SPIRE2: variants seen among roughly 807,000 people sequenced by gnomAD.
The protein encoded by SPIRE2 is protein spire homolog 2.
Under a neutral mutation model 80.7 loss-of-function variants are expected in SPIRE2, and 76 were observed. The ratio of observed to expected loss-of-function variants is 0.94; its 90% confidence interval spans 0.78 to 1.14. The LOEUF (loss-of-function observed/expected upper bound fraction) is 1.14. Among genes scored for constraint, SPIRE2 ranks in the 50% most tolerant of loss-of-function variants. The probability of loss-of-function intolerance (pLI) is 0.00; values close to 1 mark genes in which losing one functional copy is unlikely to be tolerated. For synonymous variants in SPIRE2, 535 were observed against 432.6 expected (o/e 1.24, Z -2.94); for missense variants, 1,196 against 1,015.3 (o/e 1.18, Z -2.42).
At chr16:89,837,598 G>C (rs1341232796) in intron 1 of SPIRE2, among the ~76,000 whole-genome samples, 1 of 152,198 alleles carries the variant, frequency 6.6e-6, no homozygotes, top group African/African-American at 2.4e-5. Context: ...CAGGGGCTGG[G>C]TCGGGATCCC....
At chr16:89,854,938 G>A (rs976811635) in intron 5 of SPIRE2, among the ~76,000 whole-genome samples, 3 of 97,386 alleles carry the variant, frequency 3.1e-5, no homozygotes, top group Non-Finnish European at 6.3e-5. Context: ...AAGGCTGTAG[G>A]ATTTTTTTTT....
chr16:89,843,685 GTTTTTGTTTTTTGTTTTT>G (rs2041527015), intron 1 of SPIRE2, among the ~76,000 whole-genome samples: 2 of 21,308 alleles, frequency 9.4e-5, no homozygotes, highest in Non-Finnish European at 1.5e-4. Context: ...TTTTTTGTTT[GTTTTTGTTTTTTGTTTTT>G]TTTTTTTTTT....
chr16:89,848,781 G>T (rs909479352), intron 2 of SPIRE2, among the ~76,000 whole-genome samples: 7 of 150,008 alleles, frequency 4.7e-5, no homozygotes, highest in Admixed American at 1.3e-4. Flanking sequence ...CAGGTTCCAG[G>T]ACCTTCTGTG....
At chr16:89,855,072 G>A (rs1437244187) in intron 5 of SPIRE2, among the ~76,000 whole-genome samples, 1 of 152,156 alleles carries the variant, frequency 6.6e-6, no homozygotes, top group Non-Finnish European at 1.5e-5. Flanking sequence ...CCAAGTAGCT[G>A]GGACTACAGG....
At chr16:89,856,688 G>A (rs1297651923) in intron 7 of SPIRE2, among the ~76,000 whole-genome samples, 1 of 149,714 alleles carries the variant, frequency 6.7e-6, no homozygotes, top group Non-Finnish European at 1.5e-5. Flanking sequence ...ACAAACTCCT[G>A]GGCTCAAGTG....
At chr16:89,850,264 C>A in intron 2 of SPIRE2, 40 bp from the exon 3 acceptor site, 1 of 1,572,678 alleles carries the variant, frequency 6.4e-7, no homozygotes, top group South Asian at 1.1e-5. Context: ...CGCCCCACCC[C>A]CCTGCAGTAC....
At chr16:89,864,294 G>C (rs969900647) in intron 12 of SPIRE2, among the ~76,000 whole-genome samples, 8 of 152,182 alleles carry the variant, frequency 5.3e-5, no homozygotes, top group South Asian at 2.1e-4. Context: ...ACAGCAGCTC[G>C]AGTCCGCCGT....
Position 89,870,219 on chromosome 16 carries a change from C to G in SPIRE2, c.2092C>G (p.Arg698Gly). Residue 698 changes from arginine to glycine, a missense_variant, in exon 15 of 15, where the codon CGC becomes GGC. Arg to Gly is a moderately radical substitution (Grantham distance 125, BLOSUM62 -2). Coordinates refer to ENST00000378247, the MANE Select transcript of SPIRE2 (RefSeq NM_032451.2). ...DVLNTTPRRS[R>G]QTQSLYIPNT... ...CCTCAACACTACGCCACGACGCAGTCGCCAGACCCAATCCCTCTACATCCC... is the reference window on the plus strand; with the variant it reads ...CCTCAACACTACGCCACGACGCAGTGGCCAGACCCAATCCCTCTACATCCC... The G allele has an allele frequency of 6.2e-7, 1 of 1,607,300 alleles. No individual in the cohort carries two copies. Among genetic ancestry groups the G allele is most frequent in the Non-Finnish European group, 8.5e-7 (1 of 1,177,156 alleles).
At chr16:89,865,156 G>A (rs565381026) in intron 12 of SPIRE2, among the ~76,000 whole-genome samples, 4 of 152,118 alleles carry the variant, frequency 2.6e-5, no homozygotes, top group African/African-American at 9.6e-5. Context: ...ACAGGCACCT[G>A]CTACCACTCC....
chr16:89,850,648 G>A lies in SPIRE2; in HGVS notation c.633G>A (p.Arg211=), dbSNP rs1447086342. 3.3e-6 allele frequency: 5 copies of A among 1,493,912 alleles called. No homozygotes were observed. The highest frequency in any genetic ancestry group is 3.5e-6 in the Non-Finnish European group (4 of 1,128,592). The allele number at this position is 1,493,912 out of a possible 1,614,324, so 92.5% of individuals were successfully genotyped here. A position where few individuals can be genotyped will look rare whatever the true frequency, so the allele number is the denominator to read the frequency against. The change falls in exon 3 of 15, where the codon CGG becomes CGA. Residue 211 remains arginine (R), a synonymous_variant. Transcript: ENST00000378247. ...TGCGGGCCTTCCTGGCCAGGGTCCG[G>A]GAGGCCAAGGAGGTGAGCGGTGGGT... is the stretch of plus-strand genomic sequence containing the variant. ...LELRAFLARV[R]EAKEMLQKLR...
intron 2 of SPIRE2, 169 bp downstream of exon 2, chr16:89,845,534 A>G: frequency 1.3e-6 from 1 of 749,198 alleles, no homozygotes; most frequent in Non-Finnish European, 2.4e-6. Flanking sequence ...CGCTGTTCAC[A>G]GAGAGCAGAC....
At position 89,845,243 on chromosome 16, in the gene SPIRE2, G is replaced by A. The variant is rs1392131992; in HGVS notation, c.245-79G>A. 9 of 1,274,068 alleles carry A rather than the reference G, an allele frequency of 7.1e-6. No individual in the cohort carries two copies. The African/African-American group carries it at 1.0e-4, about 15-fold the overall frequency. The allele number at this position is 1,274,068 out of a possible 1,614,324, so 78.9% of individuals were successfully genotyped here. A position where few individuals can be genotyped will look rare whatever the true frequency, so the allele number is the denominator to read the frequency against. On this transcript the variant is annotated intron_variant, in intron 1 of 14. Coordinates refer to ENST00000378247, the MANE Select transcript of SPIRE2 (RefSeq NM_032451.2). Reference sequence around the variant, plus strand: ...GTGGGGCTGTGGTGTGTGTCCCCGAGGGGGAGGTGGGGGGACAGCAGTGTT... The same window carrying A: ...GTGGGGCTGTGGTGTGTGTCCCCGAAGGGGAGGTGGGGGGACAGCAGTGTT...
chr16:89,858,335 C>T lies in SPIRE2; in HGVS notation c.1103-3C>T. On this transcript the variant is annotated splice_polypyrimidine_tract_variant and splice_region_variant and intron_variant, in intron 7 of 14. Transcript: ENST00000378247. ...CGTCCTGCCTCGGCTCCCGTCTCCC[C>T]AGGGTTTGGCTCTCTGCCCTGCATC... 1 of 1,589,456 alleles carries T rather than the reference C, an allele frequency of 6.3e-7. No homozygotes were observed. The highest frequency in any genetic ancestry group is 8.6e-7 in the Non-Finnish European group (1 of 1,168,098).
intron 1 of SPIRE2, among the ~76,000 whole-genome samples, chr16:89,829,067 G>C (rs2041354690): frequency 6.6e-6 from 1 of 152,236 alleles, no homozygotes; most frequent in African/African-American, 2.4e-5. Context: ...GCGCGGAGCG[G>C]GCTGCTCCCC....
At chr16:89,831,386 T>C (rs894845241) in intron 1 of SPIRE2, among the ~76,000 whole-genome samples, 9 of 149,384 alleles carry the variant, frequency 6.0e-5, no homozygotes, top group Non-Finnish European at 1.2e-4. Context: ...TGCTAAACTT[T>C]TTTTCTTTCT....
intron 10 of SPIRE2, among the ~76,000 whole-genome samples, chr16:89,861,282 C>T (rs1470665507): frequency 6.6e-6 from 1 of 152,212 alleles, no homozygotes; most frequent in Non-Finnish European, 1.5e-5. Context: ...ATTTAATCAA[C>T]TGAGGTAAGG....
chr16:89,859,142 G>A, intron 8 of SPIRE2, 23 bp from the exon 9 acceptor site: 1 of 1,526,810 alleles, frequency 6.5e-7, no homozygotes, highest in Non-Finnish European at 8.9e-7. Flanking sequence ...GTCAGGGCAG[G>A]GCCGCGTCTG....
At chr16:89,848,021 G>A (rs1001438085) in intron 2 of SPIRE2, among the ~76,000 whole-genome samples, 1 of 152,192 alleles carries the variant, frequency 6.6e-6, no homozygotes, top group Non-Finnish European at 1.5e-5. Flanking sequence ...TCGGAGCCAC[G>A]CGACCAGGGA....
chr16:89,845,240 C>T (rs925803997), intron 1 of SPIRE2, 82 bp from the exon 2 acceptor site: 31 of 1,286,346 alleles, frequency 2.4e-5, no homozygotes, highest in Middle Eastern at 3.7e-4. Context: ...TGTGTGTCCC[C>T]GAGGGGGAGG....
Sources: gnomAD v4.1 joint callset for allele counts (sites outside exome capture counted in the v4.1 genomes callset) on GRCh38, gnomAD v4.1.1 for gene constraint, MANE v1.5 for transcripts, NCBI Gene and HGNC (gene_info 2026-07-23, HGNC 2026-07-21) for gene names.